The following AGPAT3 variants were observed in gnomAD, a reference collection of about 807,000 sequenced individuals.
AGPAT3 encodes the protein 1-acyl-sn-glycerol-3-phosphate acyltransferase gamma.
Under a neutral mutation model 47.3 loss-of-function variants are expected in AGPAT3, and 5 were observed. That is an observed-to-expected ratio of 0.11 (90% CI 0.06 to 0.22). The LOEUF (loss-of-function observed/expected upper bound fraction) is 0.22, where lower values mean the gene tolerates loss of function less well. Among genes scored for constraint, AGPAT3 ranks in the 10% least tolerant of loss-of-function variants. The pLI is 1.00. For missense variants in AGPAT3, 315 were observed against 493.0 expected, an observed-to-expected ratio of 0.64 and a Z score of 3.42; for synonymous variants, 212 against 208.3, an observed-to-expected ratio of 1.02 and a Z score of -0.15.
chr21:43,883,743 A>T (rs1449742514), intron 1 of AGPAT3, among the ~76,000 whole-genome samples: 1 of 152,140 alleles, frequency 6.6e-6, no homozygotes, highest in Non-Finnish European at 1.5e-5. Context: ...ACAGGTGCCC[A>T]CTGCCACACC....
intron 2 of AGPAT3, among the ~76,000 whole-genome samples, chr21:43,915,369 A>G (rs1308202371): frequency 2.7e-5 from 1 of 36,802 alleles, no homozygotes; most frequent in African/African-American, 1.1e-4. Context: ...CTGTTTTCTT[A>G]TTTTGTATAT....
intron 2 of AGPAT3, among the ~76,000 whole-genome samples, chr21:43,943,655 G>C (rs992055329): frequency 8.5e-5 from 13 of 152,206 alleles, no homozygotes; most frequent in Admixed American, 5.9e-4. Context: ...CCCTGCGCCT[G>C]GCCTGCCAGG....
intron 1 of AGPAT3, among the ~76,000 whole-genome samples, chr21:43,868,631 C>T (rs992808036): frequency 2.0e-5 from 3 of 152,212 alleles, no homozygotes; most frequent in African/African-American, 7.2e-5. Context: ...AGATCGATTA[C>T]TCACCCCTGA....
At chr21:43,958,316 G>C (rs1374271717) in intron 2 of AGPAT3, among the ~76,000 whole-genome samples, 2 of 151,922 alleles carry the variant, frequency 1.3e-5, no homozygotes, top group Non-Finnish European at 2.9e-5. Flanking sequence ...GTGTGCATGG[G>C]GTGGGGGGAT....
rs553368963 is a variant in AGPAT3, at chr21:43,927,165, T to C, written c.-49+23146T>C. ...GACGGGGTGAGGGCTGAGCATTCCC[T>C]TCTGACCATGTACCTCGTCTTGGTT... On this transcript the variant is annotated intron_variant, in intron 2 of 9. Coordinates refer to ENST00000291572, the MANE Select transcript of AGPAT3 (RefSeq NM_020132.5). Among the ~76,000 whole-genome samples, 3 of 152,232 alleles carry C rather than the reference T, an allele frequency of 2.0e-5. No homozygotes were observed. In the South Asian group the frequency reaches 6.2e-4, roughly 32 times the overall value.
chr21:43,898,327 C>G (rs2145984954), intron 1 of AGPAT3, among the ~76,000 whole-genome samples: 1 of 152,216 alleles, frequency 6.6e-6, no homozygotes, highest in Non-Finnish European at 1.5e-5. Flanking sequence ...TTTGAGTCAA[C>G]TATTGATCCT....
At chr21:43,888,520 G>A (rs1357963727) in intron 1 of AGPAT3, among the ~76,000 whole-genome samples, 3 of 152,140 alleles carry the variant, frequency 2.0e-5, no homozygotes, top group Non-Finnish European at 4.4e-5. Flanking sequence ...TCCTGCACAT[G>A]TACCCCGGAA....
Position 43,959,348 on chromosome 21 carries a change from GGTAT to G in AGPAT3, c.-48-283_-48-280del, listed in dbSNP as rs1424289578. 3.1e-3 allele frequency among the ~76,000 whole-genome samples: 450 copies of G among 147,050 alleles called. 6 individuals are homozygous for G. The highest frequency in any genetic ancestry group is 0.011 in the African/African-American group (429 of 39,510). ...GGTTGTGTGTGTGTGGCGTGTGTGT[GGTAT>G]GTGTGTGGCATGTGTGGTTTGTGGT... On this transcript the variant is annotated intron_variant, in intron 2 of 9. Coordinates refer to ENST00000291572, the MANE Select transcript of AGPAT3 (RefSeq NM_020132.5).
intron 7 of AGPAT3, among the ~76,000 whole-genome samples, chr21:43,974,339 G>A (rs116763834): frequency 0.011 from 1,595 of 151,654 alleles, 28 homozygotes; most frequent in African/African-American, 0.036. Context: ...ATAGTGTGGC[G>A]TGTGTATAAA....
At chr21:43,895,027 T>C (rs2086183575) in intron 1 of AGPAT3, among the ~76,000 whole-genome samples, 1 of 152,118 alleles carries the variant, frequency 6.6e-6, no homozygotes, top group Non-Finnish European at 1.5e-5. Context: ...GATTGTTTTG[T>C]TACTTCTTCT....
rs112209196 is a variant in AGPAT3 at position 43,984,000 on chromosome 21, A to G, written c.*1608A>G. On this transcript the variant is annotated 3_prime_UTR_variant, in exon 10 of 10. Coordinates refer to ENST00000291572, the MANE Select transcript of AGPAT3 (RefSeq NM_020132.5). Reference sequence around the variant, plus strand: ...GGAGGGGACGGCAGCGTTCTGCATGATGGAGGCGCTGCCGGGCCCCGGGTC... The same window carrying G: ...GGAGGGGACGGCAGCGTTCTGCATGGTGGAGGCGCTGCCGGGCCCCGGGTC... 50 of 152,350 alleles carry G rather than the reference A, an allele frequency of 3.3e-4. No homozygotes were observed. The highest frequency in any genetic ancestry group is 1.2e-3 in the African/African-American group (48 of 41,582). The allele number at this position is 152,350 out of a possible 1,614,324, so 9.4% of individuals were successfully genotyped here. A position where few individuals can be genotyped will look rare whatever the true frequency, so the allele number is the denominator to read the frequency against.
At chr21:43,944,596 C>G (rs1316989121) in intron 2 of AGPAT3, among the ~76,000 whole-genome samples, 1 of 152,360 alleles carries the variant, frequency 6.6e-6, no homozygotes, top group East Asian at 1.9e-4. Context: ...CAGAAAAGCA[C>G]AGAAAACCAG....
chr21:43,919,533 C>T (rs2086840920), intron 2 of AGPAT3, among the ~76,000 whole-genome samples: 1 of 152,182 alleles, frequency 6.6e-6, no homozygotes, highest in African/African-American at 2.4e-5. Context: ...GTTCTTTATT[C>T]ACTCTTCGGT....
intron 1 of AGPAT3, among the ~76,000 whole-genome samples, chr21:43,885,800 G>A (rs1445858580): frequency 6.6e-6 from 1 of 151,110 alleles, no homozygotes; most frequent in Non-Finnish European, 1.5e-5. Flanking sequence ...TTGTGGCACA[G>A]GCGAGGGGAG....
chr21:43,962,510 A>C (rs1345637003), intron 3 of AGPAT3, among the ~76,000 whole-genome samples: 3 of 152,218 alleles, frequency 2.0e-5, no homozygotes, highest in African/African-American at 4.8e-5. Flanking sequence ...AATACTACAA[A>C]ACAGCTAAAT....
rs4487178 is a variant in AGPAT3, at chr21:43,939,929, C to T, written c.-48-19705C>T. Among the ~76,000 whole-genome samples the T allele has an allele frequency of 1.6e-4, 25 of 152,340 alleles. No homozygotes were observed. In the East Asian group the frequency reaches 3.1e-3, roughly 19 times the overall value. ...CTTATTGGATTAGCCGGTGCCCCGACGGCAGAGCCCGCAGCTGTGCGCAGG... is the reference window on the plus strand; with the variant it reads ...CTTATTGGATTAGCCGGTGCCCCGATGGCAGAGCCCGCAGCTGTGCGCAGG... On this transcript the variant is annotated intron_variant, in intron 2 of 9. Coordinates refer to ENST00000291572, the MANE Select transcript of AGPAT3 (RefSeq NM_020132.5). The surrounding 1 kb of genome is among the most constrained non-coding windows in gnomAD (Gnocchi z 4.4).
At chr21:43,959,248 G>T (rs2088690957) in intron 2 of AGPAT3, among the ~76,000 whole-genome samples, 1 of 138,848 alleles carries the variant, frequency 7.2e-6, no homozygotes, top group African/African-American at 2.7e-5. Context: ...TGTGTGGTGT[G>T]TGGTTTGCGG....
chr21:43,882,879 C>T (rs896351373), intron 1 of AGPAT3, among the ~76,000 whole-genome samples: 5 of 152,296 alleles, frequency 3.3e-5, no homozygotes, highest in Admixed American at 3.3e-4. Context: ...CCTGGGGCAA[C>T]TGCTGGCCAC....
At chr21:43,870,990 T>C (rs2085612819) in intron 1 of AGPAT3, among the ~76,000 whole-genome samples, 3 of 152,048 alleles carry the variant, frequency 2.0e-5, no homozygotes, top group Non-Finnish European at 4.4e-5. Context: ...AGGACCAGAG[T>C]GACTCCATCT....
Sources: allele counts gnomAD v4.1 joint callset (sites outside exome capture counted in the v4.1 genomes callset), GRCh38; gene constraint gnomAD v4.1.1; non-coding constraint Gnocchi (gnomAD v3.1); transcripts MANE v1.5; gene names NCBI Gene and HGNC (gene_info 2026-07-23, HGNC 2026-07-21).